Variants in NAV3 observed in about 807,000 individuals in gnomAD.
The protein encoded by NAV3 is pore membrane and/or filament interacting like protein 1.
A neutral mutation model predicts 244.7 loss-of-function variants in NAV3; 87 were observed. The observed-to-expected ratio is 0.36, with a 90% CI of 0.30 to 0.42. The LOEUF is 0.42. NAV3 is among the 20% of genes least tolerant of loss of function. The pLI is 1.00. For synonymous variants in NAV3, 1,126 were observed against 1,042.2 expected (o/e 1.08, Z -1.55); for missense variants, 2,663 against 2,893.3 (o/e 0.92, Z 1.83).
intron 34 of NAV3, among the ~76,000 whole-genome samples, chr12:78,192,133 A>G (rs1183656644): frequency 1.4e-5 from 2 of 140,388 alleles, no homozygotes; most frequent in Non-Finnish European, 3.0e-5. Flanking sequence ...TATATATTTC[A>G]GCTTAGGAAA....
At chr12:77,933,725 A>T (rs1889051836) in intron 1 of NAV3, among the ~76,000 whole-genome samples, 1 of 152,192 alleles carries the variant, frequency 6.6e-6, no homozygotes, top group Non-Finnish European at 1.5e-5. Flanking sequence ...AGCTATTGAG[A>T]TTTCTAGAAG....
intron 15 of NAV3, 92 bp from the exon 16 acceptor site, chr12:78,121,848 G>C (rs1374113167): frequency 6.7e-7 from 1 of 1,494,706 alleles, no homozygotes; most frequent in African/African-American, 1.4e-5. Flanking sequence ...GTACATCAAA[G>C]CACACTTGGC....
chr12:77,893,909 C>T (rs377468532), intron 1 of NAV3, among the ~76,000 whole-genome samples: 9 of 152,304 alleles, frequency 5.9e-5, no homozygotes, highest in East Asian at 3.9e-4. Context: ...GTTACACTAA[C>T]TTATTCCAAG....
intron 2 of NAV3, among the ~76,000 whole-genome samples, chr12:77,754,292 G>A (rs989145199): frequency 4.6e-5 from 7 of 152,182 alleles, no homozygotes; most frequent in Non-Finnish European, 7.4e-5. Context: ...CAGTGTTGAT[G>A]AGACTAATTG....
chr12:77,944,160 G>T (rs1890120108), intron 3 of NAV3, among the ~76,000 whole-genome samples: 1 of 152,146 alleles, frequency 6.6e-6, no homozygotes, highest in South Asian at 2.1e-4. Context: ...GAGCACCGTG[G>T]ATTAGGCACA....
chr12:77,821,438 C>A (rs1207118258), intron 2 of NAV3, among the ~76,000 whole-genome samples: 1 of 152,160 alleles, frequency 6.6e-6, no homozygotes, highest in Non-Finnish European at 1.5e-5. Flanking sequence ...CTTAGAATAT[C>A]TGCAATAAAG....
chr12:78,112,271 T>C (rs911464769), intron 12 of NAV3, among the ~76,000 whole-genome samples: 1 of 152,230 alleles, frequency 6.6e-6, no homozygotes, highest in Non-Finnish European at 1.5e-5. Context: ...TGCCTATAAA[T>C]GATAGATAGT....
At chr12:78,010,387 G>C in intron 8 of NAV3, among the ~76,000 whole-genome samples, 1 of 151,932 alleles carries the variant, frequency 6.6e-6, no homozygotes, top group East Asian at 1.9e-4. Flanking sequence ...TTTTGATGTT[G>C]GTATTATCAT....
intron 1 of NAV3, among the ~76,000 whole-genome samples, chr12:77,927,557 T>A (rs1423466635): frequency 6.6e-6 from 1 of 152,172 alleles, no homozygotes; most frequent in Non-Finnish European, 1.5e-5. Context: ...ATTGAATGAG[T>A]TAAACTATTT....
intron 36 of NAV3, among the ~76,000 whole-genome samples, 194 bp downstream of exon 36, chr12:78,198,870 G>A (rs1261552245): frequency 4.8e-5 from 7 of 145,598 alleles, no homozygotes; most frequent in East Asian, 4.0e-4. Flanking sequence ...TCAAGCCAAC[G>A]TTTTGTGATC....
chr12:77,902,370 A>C (rs909283136), intron 1 of NAV3, among the ~76,000 whole-genome samples: 8 of 152,216 alleles, frequency 5.3e-5, no homozygotes, highest in African/African-American at 1.9e-4. Flanking sequence ...GAGCCTATGA[A>C]AAATACAGTA....
intron 2 of NAV3, among the ~76,000 whole-genome samples, chr12:77,589,900 T>C (rs1341722853): frequency 6.6e-6 from 1 of 152,258 alleles, no homozygotes; most frequent in Non-Finnish European, 1.5e-5. Context: ...CTGTATCAAC[T>C]TGATCAATTT....
At chr12:78,065,948 G>A (rs750762562) in intron 12 of NAV3, among the ~76,000 whole-genome samples, 3 of 152,120 alleles carry the variant, frequency 2.0e-5, no homozygotes, top group Non-Finnish European at 4.4e-5. Flanking sequence ...TAGAACTGCT[G>A]TAGATTTAAC....
rs1592529869 is a variant in NAV3, at chr12:77,639,600, G to T, written c.72+67334G>T. ...GTTGATGTGAAGGAGAATAATTAAG[G>T]TACACACATTTATTATTTGTCTTTT... is the stretch of plus-strand genomic sequence containing the variant. On this transcript the variant is annotated intron_variant, in intron 2 of 8. Coordinates refer to the NAV3 transcript ENST00000550042. Among the ~76,000 whole-genome samples, 4 of 152,240 alleles carry T rather than the reference G, an allele frequency of 2.6e-5. No homozygotes were observed. In the South Asian group the frequency reaches 8.3e-4, roughly 32 times the overall value.
intron 2 of NAV3, among the ~76,000 whole-genome samples, chr12:77,791,120 C>T (rs1833601036): frequency 6.6e-6 from 1 of 152,074 alleles, no homozygotes; most frequent in Admixed American, 6.6e-5. Context: ...CTTTGGGAGG[C>T]CAAGGTGGGT....
chr12:78,118,019 C>T lies in NAV3; in HGVS notation c.2770-8C>T, dbSNP rs1185190522. ...CATAAAGTTTTTCTGTAATATTTGT[C>T]TTTATAGCTGAGGACAGATTCAGAG... On this transcript the variant is annotated splice_polypyrimidine_tract_variant and splice_region_variant and intron_variant, in intron 13 of 39. Transcript: ENST00000397909. The T allele has an allele frequency of 6.4e-7, 1 of 1,566,542 alleles. No homozygotes were observed. The highest frequency in any genetic ancestry group is 8.7e-7 in the Non-Finnish European group (1 of 1,156,032).
rs1388489677 is a variant in NAV3 at position 77,980,899 on chromosome 12, G to A, written c.671+12197G>A. ...TTTGATGCTGTAATATCTTACACAG[G>A]CCTCTCCCTCTTTAGTTACTGTTTT... On this transcript the variant is annotated intron_variant, in intron 5 of 39. Coordinates refer to ENST00000397909, the MANE Select transcript of NAV3 (RefSeq NM_001024383.2). Among the ~76,000 whole-genome samples, 5 of 152,096 alleles carry A rather than the reference G, an allele frequency of 3.3e-5. No homozygotes were observed. The East Asian group carries it at 7.7e-4, about 23-fold the overall frequency.
intron 5 of NAV3, among the ~76,000 whole-genome samples, chr12:77,979,112 T>G (rs943535548): frequency 6.6e-6 from 1 of 151,360 alleles, no homozygotes; most frequent in Non-Finnish European, 1.5e-5. Flanking sequence ...TGATAGCTCA[T>G]GCCTGTAATC....
intron 28 of NAV3, among the ~76,000 whole-genome samples, chr12:78,178,836 G>T (rs185206840): frequency 6.1e-4 from 93 of 152,134 alleles, no homozygotes; most frequent in Middle Eastern, 3.4e-3. Context: ...AATTTCCTGC[G>T]AAGCTGTCCA....
Sources: allele counts gnomAD v4.1 joint callset (sites outside exome capture counted in the v4.1 genomes callset), GRCh38; gene constraint gnomAD v4.1.1; transcripts MANE v1.5; gene names NCBI Gene and HGNC (gene_info 2026-07-23, HGNC 2026-07-21).